Variants in COG5 observed in about 807,000 individuals in gnomAD.
COG5 encodes the protein component of oligomeric golgi complex 5.
A neutral mutation model predicts 110.4 loss-of-function variants in COG5; 86 were observed. That is an observed-to-expected ratio of 0.78 (90% confidence interval 0.65 to 0.93). COG5 has a LOEUF of 0.93. Ranked by LOEUF, COG5 falls within the 40% of genes least tolerant of loss-of-function variation. The pLI is 0.00. For missense variants in COG5, 1,077 were observed against 987.0 expected (o/e 1.09, Z -1.22); for synonymous variants, 360 against 334.6 (o/e 1.08, Z -0.83).
intron 11 of COG5, among the ~76,000 whole-genome samples, chr7:107,311,233 CT>C (rs1251304380): frequency 6.6e-6 from 1 of 152,140 alleles, no homozygotes; most frequent in Non-Finnish European, 1.5e-5. Flanking sequence ...ATGTGTGAGA[CT>C]GACTTTTCCT....
At chr7:107,357,620 C>A (rs562490965) in intron 10 of COG5, among the ~76,000 whole-genome samples, 1 of 152,210 alleles carries the variant, frequency 6.6e-6, no homozygotes, top group South Asian at 2.1e-4. Context: ...ACCTAACAAT[C>A]CTTTTTAATC....
intron 19 of COG5, among the ~76,000 whole-genome samples, chr7:107,222,678 T>C (rs2237661): frequency 0.2 from 30,371 of 152,206 alleles, 3,380 homozygotes; most frequent in East Asian, 0.31. Flanking sequence ...TTCTCCCTGA[T>C]TCCAGGTGGA....
intron 6 of COG5, among the ~76,000 whole-genome samples, chr7:107,491,682 A>G (rs1408314929): frequency 6.6e-6 from 1 of 152,204 alleles, no homozygotes; most frequent in Non-Finnish European, 1.5e-5. Context: ...GGACCAGAGT[A>G]AAACAGCTCA....
intron 12 of COG5, among the ~76,000 whole-genome samples, chr7:107,285,393 A>G (rs1805544845): frequency 6.6e-6 from 1 of 152,208 alleles, no homozygotes; most frequent in Non-Finnish European, 1.5e-5. Context: ...AATTATAAGA[A>G]CTAACACTTT....
intron 6 of COG5, among the ~76,000 whole-genome samples, chr7:107,485,404 G>A (rs1426440363): frequency 6.6e-6 from 1 of 152,112 alleles, no homozygotes; most frequent in Non-Finnish European, 1.5e-5. Context: ...CTACACAAAT[G>A]TTTTATCACC....
At position 107,210,031 on chromosome 7, in the gene COG5, G is replaced by A. The variant is rs138714475; in HGVS notation, c.2375+495C>T. The A allele has an allele frequency of 1.5e-5, 15 of 1,018,380 alleles. No individual in the cohort carries two copies. In the East Asian group the frequency reaches 7.6e-4, roughly 52 times the overall value. The allele number at this position is 1,018,380 out of a possible 1,614,324, so 63.1% of individuals were successfully genotyped here. ...TGCACGTGTGGGCAAGAGCACATGC[G>A]TATGTATGTGAATGCATTCATGGGG... On this transcript the variant is annotated intron_variant, in intron 21 of 21. Coordinates refer to ENST00000297135, the MANE Select transcript of COG5 (RefSeq NM_006348.5).
chr7:107,516,591 C>A (rs1425146962), intron 6 of COG5, among the ~76,000 whole-genome samples: 2 of 152,180 alleles, frequency 1.3e-5, no homozygotes, highest in Non-Finnish European at 2.9e-5. Context: ...CAGGAGTTGA[C>A]AGACACCTCA....
At chr7:107,508,456 G>T (rs1584911175) in intron 6 of COG5, among the ~76,000 whole-genome samples, 1 of 152,236 alleles carries the variant, frequency 6.6e-6, no homozygotes, top group South Asian at 2.1e-4. Context: ...TCTGGGGGCA[G>T]GGCACAGACA....
chr7:107,449,587 A>G (rs908426877), intron 6 of COG5, among the ~76,000 whole-genome samples: 8 of 152,162 alleles, frequency 5.3e-5, no homozygotes, highest in African/African-American at 1.9e-4. Flanking sequence ...AATACCATAA[A>G]CCTTGAAAAA....
chr7:107,496,804 T>C (rs1327491018), intron 6 of COG5, among the ~76,000 whole-genome samples: 10 of 151,892 alleles, frequency 6.6e-5, no homozygotes, highest in Non-Finnish European at 1.2e-4. Flanking sequence ...AAACATTTAA[T>C]AAACAGAAAT....
chr7:107,251,599 G>A (rs7794142), intron 16 of COG5, among the ~76,000 whole-genome samples: 94,414 of 151,914 alleles, frequency 0.62, 31,574 homozygotes, highest in African/African-American at 0.89. Flanking sequence ...GAAATTTTAA[G>A]AACACATTTC....
intron 7 of COG5, among the ~76,000 whole-genome samples, chr7:107,390,308 T>A (rs1790524877): frequency 6.6e-6 from 1 of 152,082 alleles, no homozygotes; most frequent in Non-Finnish European, 1.5e-5. Flanking sequence ...CTTTTGTAGG[T>A]AATCTGGCCA....
At chr7:107,397,130 T>C (rs1186409644) in intron 7 of COG5, among the ~76,000 whole-genome samples, 1 of 152,246 alleles carries the variant, frequency 6.6e-6, no homozygotes, top group Non-Finnish European at 1.5e-5. Context: ...CACAGTCTTC[T>C]TGATAGCTAG....
At chr7:107,259,261 A>C (rs978447187) in intron 14 of COG5, among the ~76,000 whole-genome samples, 2 of 152,214 alleles carry the variant, frequency 1.3e-5, no homozygotes, top group African/African-American at 4.8e-5. Context: ...ACCAGGTTAA[A>C]CAACTCCAAT....
intron 14 of COG5, among the ~76,000 whole-genome samples, chr7:107,280,356 C>T (rs957214777): frequency 1.3e-5 from 2 of 152,020 alleles, no homozygotes; most frequent in African/African-American, 4.8e-5. Flanking sequence ...AAGGAAGCCT[C>T]GTAACATGAC....
At chr7:107,211,047 A>C (rs902075849) in intron 20 of COG5, 52 bp downstream of exon 20, 23 of 1,604,546 alleles carry the variant, frequency 1.4e-5, no homozygotes, top group Non-Finnish European at 1.9e-5. Context: ...CAGGATTCAC[A>C]CAGGTAATGG....
At position 107,371,344 on chromosome 7, in the gene COG5, C is replaced by T. The variant is rs1488972281; in HGVS notation, c.835+1251G>A. ...GTGGCTCATGCCTGCAATCCCAACA[C>T]TTTGGGAGGCCAAGGAAAGAGGATT... is the stretch of plus-strand genomic sequence containing the variant. On this transcript the variant is annotated intron_variant, in intron 8 of 21. Transcript: ENST00000297135. Among the ~76,000 whole-genome samples the T allele has an allele frequency of 3.9e-5, 6 of 152,098 alleles. 1 individual carries two copies. The highest frequency in any genetic ancestry group is 8.8e-5 in the Non-Finnish European group (6 of 68,018).
At chr7:107,248,297 C>T (rs914388340) in intron 17 of COG5, 99 bp downstream of exon 17, 8 of 796,834 alleles carry the variant, frequency 1.0e-5, no homozygotes, top group African/African-American at 6.8e-5. Flanking sequence ...AGGAACAAGG[C>T]CCTGGATGGC....
chr7:107,367,728 T>TA (rs1230052336), intron 8 of COG5, among the ~76,000 whole-genome samples: 1 of 152,040 alleles, frequency 6.6e-6, no homozygotes, highest in Non-Finnish European at 1.5e-5. Flanking sequence ...AAGTGGGAGC[T>TA]AAGCTATGGG....
Sources: allele counts gnomAD v4.1 joint callset (sites outside exome capture counted in the v4.1 genomes callset), GRCh38; gene constraint gnomAD v4.1.1; transcripts MANE v1.5; gene names NCBI Gene and HGNC (gene_info 2026-07-23, HGNC 2026-07-21).